DPYD: variants seen among roughly 807,000 people sequenced by gnomAD.
DPYD encodes the protein dihydropyrimidine dehydrogenase [NADP(+)].
A neutral mutation model predicts 116.2 loss-of-function variants in DPYD; 109 were observed. The observed-to-expected ratio is 0.94, with a 90% confidence interval of 0.80 to 1.10. The LOEUF is 1.10. Ranked by LOEUF, DPYD falls within the 50% of genes least tolerant of loss-of-function variation. The pLI is 0.00. For synonymous variants in DPYD, 440 were observed against 432.0 expected, an observed-to-expected ratio of 1.02 and a Z score of -0.23; for missense variants, 1,302 against 1,254.5, an observed-to-expected ratio of 1.04 and a Z score of -0.57.
intron 14 of DPYD, among the ~76,000 whole-genome samples, chr1:97,410,793 C>T (rs1429931290): frequency 1.3e-5 from 2 of 151,824 alleles, no homozygotes; most frequent in Admixed American, 6.6e-5. Context: ...GAAAATTCAC[C>T]AATATGTAAC....
At chr1:97,787,097 C>G (rs886433592) in intron 3 of DPYD, among the ~76,000 whole-genome samples, 1 of 152,108 alleles carries the variant, frequency 6.6e-6, no homozygotes, top group African/African-American at 2.4e-5. Flanking sequence ...AAAAATTGAA[C>G]ATTTGGTCAA....
At chr1:97,860,261 T>G (rs1449969853) in intron 2 of DPYD, among the ~76,000 whole-genome samples, 1 of 152,176 alleles carries the variant, frequency 6.6e-6, no homozygotes, top group East Asian at 1.9e-4. Context: ...GAGGATCACT[T>G]GAGCCCAAGA....
At chr1:97,241,394 G>A (rs1662330897) in intron 18 of DPYD, among the ~76,000 whole-genome samples, 1 of 151,958 alleles carries the variant, frequency 6.6e-6, no homozygotes, top group South Asian at 2.1e-4. Context: ...TAACTCTGAA[G>A]CTAGGTGCTG....
intron 2 of DPYD, among the ~76,000 whole-genome samples, chr1:97,875,118 T>C (rs1424331504): frequency 1.3e-5 from 2 of 151,990 alleles, no homozygotes; most frequent in African/African-American, 4.8e-5. Context: ...TTTTATTCTA[T>C]GTTAGTTACA....
chr1:97,358,508 C>G (rs963955153), intron 16 of DPYD, among the ~76,000 whole-genome samples: 3 of 152,182 alleles, frequency 2.0e-5, no homozygotes, highest in African/African-American at 7.2e-5. Context: ...CTCAAGTGGG[C>G]CCCTGATGCC....
chr1:97,875,857 T>C (rs1012674803), intron 2 of DPYD, among the ~76,000 whole-genome samples: 2 of 152,032 alleles, frequency 1.3e-5, no homozygotes, highest in African/African-American at 4.8e-5. Context: ...TACTTCAAAG[T>C]AAACTTTTAT....
At chr1:97,372,021 C>T (rs1420894987) in intron 16 of DPYD, among the ~76,000 whole-genome samples, 1 of 152,122 alleles carries the variant, frequency 6.6e-6, no homozygotes, top group African/African-American at 2.4e-5. Flanking sequence ...AAAGGATGCA[C>T]CTAAGACACT....
At chr1:97,214,065 C>T (rs1031989366) in intron 19 of DPYD, among the ~76,000 whole-genome samples, 1 of 152,126 alleles carries the variant, frequency 6.6e-6, no homozygotes, top group African/African-American at 2.4e-5. Context: ...TCCTGGGTTT[C>T]CAGCAACAAG....
At chr1:97,414,927 A>C (rs1674208196) in intron 14 of DPYD, among the ~76,000 whole-genome samples, 1 of 152,232 alleles carries the variant, frequency 6.6e-6, no homozygotes. Flanking sequence ...AATAATCTTC[A>C]TTAGACTATC....
intron 18 of DPYD, among the ~76,000 whole-genome samples, chr1:97,302,560 C>T (rs558659797): frequency 1.3e-4 from 20 of 151,904 alleles, no homozygotes; most frequent in Non-Finnish European, 2.7e-4. Context: ...TCCTAATTTG[C>T]TCTCTTGATG....
chr1:97,801,702 A>C (rs1667853861), intron 3 of DPYD, among the ~76,000 whole-genome samples: 1 of 151,968 alleles, frequency 6.6e-6, no homozygotes, highest in African/African-American at 2.4e-5. Flanking sequence ...CAGAGGGATC[A>C]GCAAATGGAA....
chr1:97,227,331 CAAAAAAAAAAA>C (rs60992225), intron 19 of DPYD, among the ~76,000 whole-genome samples: 1 of 26,378 alleles, frequency 3.8e-5, no homozygotes, highest in Non-Finnish European at 7.9e-5. Context: ...GACTCTATCT[CAAAAAAAAAAA>C]AAAAAAAAAA....
intron 6 of DPYD, among the ~76,000 whole-genome samples, chr1:97,696,084 C>T (rs1661286857): frequency 6.7e-6 from 1 of 150,216 alleles, no homozygotes; most frequent in Non-Finnish European, 1.5e-5. Flanking sequence ...GAGCCAAGAT[C>T]TCGCCACTGC....
intron 10 of DPYD, among the ~76,000 whole-genome samples, chr1:97,588,626 C>T (rs1249926881): frequency 6.6e-6 from 1 of 152,098 alleles, no homozygotes; most frequent in Non-Finnish European, 1.5e-5. Context: ...TTTAAGCTTG[C>T]AGAAAGTACT....
intron 14 of DPYD, among the ~76,000 whole-genome samples, chr1:97,386,369 T>G (rs919174644): frequency 1.8e-4 from 27 of 151,928 alleles, no homozygotes; most frequent in African/African-American, 6.5e-4. Context: ...TTAACCACTT[T>G]CCAATCCCAA....
chr1:97,106,145 T>C (rs901815089), intron 20 of DPYD, among the ~76,000 whole-genome samples: 2 of 152,066 alleles, frequency 1.3e-5, no homozygotes, highest in Non-Finnish European at 2.9e-5. Flanking sequence ...GGGAGAATCA[T>C]CCAGAATGTT....
chr1:97,751,458 G>A (rs368200227), intron 3 of DPYD, among the ~76,000 whole-genome samples: 2,690 of 21,382 alleles, frequency 0.13, 69 homozygotes, highest in African/African-American at 0.2. Flanking sequence ...GTGTGTGTGT[G>A]TGTATATATA....
At chr1:97,674,443 T>C (rs1457558653) in intron 8 of DPYD, among the ~76,000 whole-genome samples, 1 of 152,186 alleles carries the variant, frequency 6.6e-6, no homozygotes, top group African/African-American at 2.4e-5. Context: ...CCTAAATGTG[T>C]CTTACTGGAT....
chr1:97,087,049 T>C (rs1649567579), intron 21 of DPYD, among the ~76,000 whole-genome samples: 1 of 152,260 alleles, frequency 6.6e-6, no homozygotes, highest in Non-Finnish European at 1.5e-5. Flanking sequence ...TTGCTCTTAC[T>C]GAATTTATGC....
Sources: allele counts gnomAD v4.1 joint callset (sites outside exome capture counted in the v4.1 genomes callset), GRCh38; gene constraint gnomAD v4.1.1; transcripts MANE v1.5; gene names NCBI Gene and HGNC (gene_info 2026-07-23, HGNC 2026-07-21).